CDC25C: variants seen among roughly 807,000 people sequenced by gnomAD.
The protein encoded by CDC25C is cell division cycle 25C.
Under a neutral mutation model 52.5 loss-of-function variants are expected in CDC25C, and 48 were observed. The observed-to-expected ratio is 0.91, with a 90% confidence interval of 0.72 to 1.16. The LOEUF is 1.16. Ranked by LOEUF, CDC25C falls within the 50% of genes most tolerant of loss-of-function variation. The pLI is 0.00. For synonymous variants in CDC25C, 187 were observed against 206.5 expected (o/e 0.91, Z 0.81); for missense variants, 510 against 566.1 (o/e 0.90, Z 1.01).
At chr5:138,329,771 C>T in intron 2 of CDC25C, 124 bp from the exon 3 acceptor site, 1 of 507,244 alleles carries the variant, frequency 2.0e-6, no homozygotes. Context: ...TGCTCTGTCC[C>T]CCCAGCTCAA....
At chr5:138,286,223 A>G in intron 12 of CDC25C, 90 bp from the exon 13 acceptor site, 10 of 1,000,676 alleles carry the variant, frequency 1.0e-5, no homozygotes, top group Non-Finnish European at 1.4e-5. Flanking sequence ...AGAGGAGTAG[A>G]CTATTGCCAA....
chr5:138,309,376 T>C (rs1758269379), intron 7 of CDC25C, among the ~76,000 whole-genome samples: 1 of 151,922 alleles, frequency 6.6e-6, no homozygotes. Context: ...GCCAACATGG[T>C]GAAACCCTAT....
chr5:138,314,941 T>C (rs1252322736), intron 7 of CDC25C, among the ~76,000 whole-genome samples: 1 of 147,098 alleles, frequency 6.8e-6, no homozygotes, highest in African/African-American at 2.5e-5. Context: ...TTTTTTTTTT[T>C]TTTTGAGTTA....
intron 7 of CDC25C, among the ~76,000 whole-genome samples, chr5:138,302,731 A>T (rs1051229980): frequency 1.3e-5 from 2 of 150,564 alleles, no homozygotes; most frequent in African/African-American, 4.9e-5. Flanking sequence ...ATATTAACAG[A>T]TTAAAAAAAA....
chr5:138,311,253 G>C (rs1385501187), intron 7 of CDC25C, among the ~76,000 whole-genome samples: 1 of 152,090 alleles, frequency 6.6e-6, no homozygotes, highest in Non-Finnish European at 1.5e-5. Context: ...AACTCGAAAT[G>C]AATCAAAGAC....
chr5:138,331,326 C>A (rs1308915516), intron 1 of CDC25C, 108 bp from the exon 2 acceptor site: 7 of 799,398 alleles, frequency 8.8e-6, no homozygotes. Flanking sequence ...GGGGCAACCC[C>A]GAAGGGTGAT....
chr5:138,318,781 C>T (rs1176303148), intron 7 of CDC25C, among the ~76,000 whole-genome samples: 2 of 152,108 alleles, frequency 1.3e-5, no homozygotes, highest in Non-Finnish European at 2.9e-5. Context: ...CCTGGGGATG[C>T]CTCTGTACTT....
intron 4 of CDC25C, 58 bp downstream of exon 4, chr5:138,328,426 T>C: frequency 6.7e-7 from 1 of 1,498,870 alleles, no homozygotes; most frequent in East Asian, 2.3e-5. Flanking sequence ...CAGGATAAAA[T>C]CTCTATGACC....
At chr5:138,304,267 C>G (rs926079295) in intron 7 of CDC25C, among the ~76,000 whole-genome samples, 1 of 150,682 alleles carries the variant, frequency 6.6e-6, no homozygotes, top group African/African-American at 2.4e-5. Flanking sequence ...CCCCTGGGCT[C>G]AAGCCATCCT....
At chr5:138,285,886 C>T in intron 13 of CDC25C, 45 bp from the exon 14 acceptor site, 1 of 1,603,938 alleles carries the variant, frequency 6.2e-7, no homozygotes, top group Non-Finnish European at 8.5e-7. Context: ...GACTCCTGAA[C>T]TCTACCTATG....
At chr5:138,331,480 A>C in intron 1 of CDC25C, 115 bp downstream of exon 1, 1 of 798,378 alleles carries the variant, frequency 1.3e-6, no homozygotes, top group Non-Finnish European at 1.7e-6. Flanking sequence ...GGGTCTCGTA[A>C]CTCGCGATAG....
intron 7 of CDC25C, among the ~76,000 whole-genome samples, chr5:138,296,256 G>T (rs1372795872): frequency 6.6e-6 from 1 of 151,880 alleles, no homozygotes; most frequent in African/African-American, 2.4e-5. Flanking sequence ...TTATTTTTGA[G>T]ATGGAGTCTC....
intron 7 of CDC25C, among the ~76,000 whole-genome samples, chr5:138,310,510 T>C (rs1158165634): frequency 6.6e-6 from 1 of 152,208 alleles, no homozygotes; most frequent in East Asian, 1.9e-4. Flanking sequence ...TCAGCCTTCT[T>C]CATAACTCCA....
At chr5:138,325,664 A>C (rs557969811) in intron 6 of CDC25C, 151 bp downstream of exon 6, 4 of 620,022 alleles carry the variant, frequency 6.5e-6, no homozygotes, top group Non-Finnish European at 1.1e-5. Flanking sequence ...ATAAGAAAAA[A>C]CAAAAACAAA....
At chr5:138,317,455 G>T (rs1758966656) in intron 7 of CDC25C, among the ~76,000 whole-genome samples, 1 of 151,900 alleles carries the variant, frequency 6.6e-6, no homozygotes, top group South Asian at 2.1e-4. Flanking sequence ...CAAGGTGTGT[G>T]AATCACTTGA....
At chr5:138,317,388 G>A (rs1758960034) in intron 7 of CDC25C, among the ~76,000 whole-genome samples, 1 of 152,102 alleles carries the variant, frequency 6.6e-6, no homozygotes, top group South Asian at 2.1e-4. Flanking sequence ...ATTTAGAAAT[G>A]CTAAATGTAG....
chr5:138,317,224 A>G (rs921445163), intron 7 of CDC25C, among the ~76,000 whole-genome samples: 1 of 152,042 alleles, frequency 6.6e-6, no homozygotes, highest in Admixed American at 6.6e-5. Context: ...GAGCAGAGCA[A>G]GACCCTATCT....
intron 7 of CDC25C, among the ~76,000 whole-genome samples, chr5:138,318,991 T>C (rs1219308378): frequency 6.6e-6 from 1 of 152,210 alleles, no homozygotes; most frequent in African/African-American, 2.4e-5. Flanking sequence ...GCTGTCTCTG[T>C]ACCTCACTTC....
At chr5:138,321,039 G>A (rs1298082097) in intron 6 of CDC25C, among the ~76,000 whole-genome samples, 2 of 151,592 alleles carry the variant, frequency 1.3e-5, no homozygotes, top group Non-Finnish European at 2.9e-5. Context: ...AGGCTGCAGT[G>A]AGTTATGATT....
Sources: allele counts gnomAD v4.1 joint callset (sites outside exome capture counted in the v4.1 genomes callset), GRCh38; gene constraint gnomAD v4.1.1; transcripts MANE v1.5; gene names NCBI Gene and HGNC (gene_info 2026-07-23, HGNC 2026-07-21).